The following PSD3 variants were observed in gnomAD, a reference collection of about 807,000 sequenced individuals.
The protein encoded by PSD3 is pleckstrin and Sec7 domain containing 3, also known as PH and SEC7 domain-containing protein 3.
PSD3 carries 49 observed loss-of-function variants against 105.5 expected under a neutral mutation model. The ratio of observed to expected loss-of-function variants is 0.46; its 90% confidence interval spans 0.37 to 0.59. PSD3 has a LOEUF of 0.59. Among genes scored for constraint, PSD3 ranks in the 20% least tolerant of loss-of-function variants. The pLI is 0.00. For missense variants in PSD3, 1,561 were observed against 1,263.8 expected (o/e 1.24, Z -3.57); for synonymous variants, 557 against 457.8 (o/e 1.22, Z -2.77).
intron 1 of PSD3, among the ~76,000 whole-genome samples, chr8:19,038,308 C>A (rs1828012428): frequency 6.6e-6 from 1 of 152,134 alleles, no homozygotes; most frequent in Admixed American, 6.5e-5. Context: ...AATTTCTTTT[C>A]CTTAAAACTA....
intron 1 of PSD3, among the ~76,000 whole-genome samples, chr8:18,941,373 T>C (rs777233425): frequency 2.6e-5 from 4 of 152,216 alleles, no homozygotes; most frequent in Non-Finnish European, 5.9e-5. Flanking sequence ...CCTTGAATTC[T>C]GAAGCACAAT....
At chr8:18,818,709 GGAAA>G (rs752715380) in intron 4 of PSD3, among the ~76,000 whole-genome samples, 2 of 152,020 alleles carry the variant, frequency 1.3e-5, no homozygotes, top group South Asian at 2.1e-4. Context: ...AGCAAAAAAA[GGAAA>G]GAAAGAATGA....
intron 1 of PSD3, among the ~76,000 whole-genome samples, chr8:19,075,969 G>A (rs1001891634): frequency 6.6e-6 from 1 of 152,036 alleles, no homozygotes; most frequent in East Asian, 1.9e-4. Context: ...TTGGATTTAT[G>A]TAATACTTTT....
chr8:18,958,213 C>T (rs1408637331), intron 1 of PSD3, among the ~76,000 whole-genome samples: 1 of 152,154 alleles, frequency 6.6e-6, no homozygotes, highest in African/African-American at 2.4e-5. Flanking sequence ...CCAAGATATA[C>T]TGTTACATAT....
At chr8:18,544,789 A>C (rs891148429) in intron 15 of PSD3, among the ~76,000 whole-genome samples, 2 of 152,156 alleles carry the variant, frequency 1.3e-5, no homozygotes, top group African/African-American at 4.8e-5. Context: ...ACCTCGCCCC[A>C]GGAAGCTCTC....
Position 18,535,853 on chromosome 8 carries a change from G to T in PSD3, c.3034C>A (p.Pro1012Thr). Residue 1012 changes from proline (P) to threonine (T), a missense_variant, in exon 16 of 16, where the codon CCT (proline) becomes ACT (threonine). By Grantham distance (38) the Pro-to-Thr change is conservative (BLOSUM62 -1). Coordinates refer to ENST00000327040, the MANE Select transcript of PSD3 (RefSeq NM_015310.4). ...GGAGAAGTATCCGGGTTCAGCGAAG[G>T]ACTCGAGTGCGACTTCTTCAGTCCT... ...AAGLKKSHSS[P>T]SLNPDTSPIT... The T allele has an allele frequency of 6.2e-7, 1 of 1,614,062 alleles. No homozygotes were observed. Among genetic ancestry groups the T allele is most frequent in the Non-Finnish European group, 8.5e-7 (1 of 1,179,932 alleles).
intron 2 of PSD3, among the ~76,000 whole-genome samples, chr8:18,917,632 G>A (rs1410227099): frequency 6.6e-6 from 1 of 152,198 alleles, no homozygotes; most frequent in Non-Finnish European, 1.5e-5. Context: ...TATCAAGGAT[G>A]TTAAAGACTT....
At chr8:19,056,013 TC>T (rs1828698933) in intron 1 of PSD3, among the ~76,000 whole-genome samples, 2 of 152,214 alleles carry the variant, frequency 1.3e-5, no homozygotes, top group African/African-American at 4.8e-5. Flanking sequence ...AACTCTATTA[TC>T]TTGAAAAATC....
intron 1 of PSD3, among the ~76,000 whole-genome samples, chr8:19,043,940 T>C (rs1828222461): frequency 6.6e-6 from 1 of 152,146 alleles, no homozygotes; most frequent in Admixed American, 6.5e-5. Flanking sequence ...AGGATCTGAG[T>C]CTTTGTTTTC....
chr8:19,045,229 A>C (rs1368009026), intron 1 of PSD3, among the ~76,000 whole-genome samples: 12 of 152,038 alleles, frequency 7.9e-5, no homozygotes, highest in African/African-American at 2.9e-4. Flanking sequence ...AGAAAAAGAA[A>C]AGTAAAAAAG....
intron 2 of PSD3, among the ~76,000 whole-genome samples, chr8:18,914,994 A>C (rs769653869): frequency 2.0e-5 from 3 of 152,178 alleles, no homozygotes; most frequent in Non-Finnish European, 4.4e-5. Context: ...TACTAGCATA[A>C]AAACAGACCT....
At chr8:19,032,018 C>G (rs1827788867) in intron 1 of PSD3, among the ~76,000 whole-genome samples, 1 of 152,132 alleles carries the variant, frequency 6.6e-6, no homozygotes, top group Non-Finnish European at 1.5e-5. Context: ...GAAATCCTTT[C>G]TGCACACTGA....
At chr8:18,739,099 C>T (rs1310334084) in intron 9 of PSD3, among the ~76,000 whole-genome samples, 1 of 151,984 alleles carries the variant, frequency 6.6e-6, no homozygotes, top group African/African-American at 2.4e-5. Flanking sequence ...TTGGAAGGCA[C>T]ATATGGAAAA....
intron 11 of PSD3, among the ~76,000 whole-genome samples, chr8:18,604,244 A>G (rs889154479): frequency 1.3e-5 from 2 of 152,220 alleles, no homozygotes; most frequent in African/African-American, 4.8e-5. Context: ...ACAGATGGAA[A>G]TGAGGAACTT....
intron 1 of PSD3, among the ~76,000 whole-genome samples, chr8:18,946,658 G>C (rs900897000): frequency 6.6e-6 from 1 of 151,922 alleles, no homozygotes; most frequent in South Asian, 2.1e-4. Flanking sequence ...CTAGCATTTT[G>C]GGAGGCCGAG....
At chr8:18,656,212 CA>C (rs1159260602) in intron 9 of PSD3, among the ~76,000 whole-genome samples, 11 of 152,052 alleles carry the variant, frequency 7.2e-5, no homozygotes, top group African/African-American at 2.4e-4. Context: ...CGTGTGCCAC[CA>C]CACCTGGCTA....
chr8:18,848,033 G>C (rs1466280440), intron 4 of PSD3, among the ~76,000 whole-genome samples: 1 of 152,038 alleles, frequency 6.6e-6, no homozygotes, highest in Non-Finnish European at 1.5e-5. Context: ...AGAAAAGAGG[G>C]GAAGGAACAC....
intron 4 of PSD3, among the ~76,000 whole-genome samples, chr8:18,807,235 T>C (rs956041997): frequency 3.3e-5 from 5 of 152,204 alleles, no homozygotes; most frequent in African/African-American, 1.2e-4. Flanking sequence ...GGCCTTATGC[T>C]TCAAGGTCAC....
intron 9 of PSD3, among the ~76,000 whole-genome samples, chr8:18,712,270 A>T (rs1802300574): frequency 1.3e-5 from 2 of 152,128 alleles, no homozygotes; most frequent in Non-Finnish European, 2.9e-5. Flanking sequence ...GATATGACTA[A>T]AATCAGCGCA....
Sources: gnomAD v4.1 joint callset for allele counts (sites outside exome capture counted in the v4.1 genomes callset) on GRCh38, gnomAD v4.1.1 for gene constraint, MANE v1.5 for transcripts, NCBI Gene and HGNC (gene_info 2026-07-23, HGNC 2026-07-21) for gene names.